MVB12B: variants seen among roughly 807,000 people sequenced by gnomAD.
MVB12B encodes the protein multivesicular body subunit 12B.
MVB12B carries 16 observed loss-of-function variants against 41.6 expected under a neutral mutation model. That is an observed-to-expected ratio of 0.38 (90% CI 0.26 to 0.58). The LOEUF is 0.58. Among genes scored for constraint, MVB12B ranks in the 20% least tolerant of loss-of-function variants. MVB12B has a pLI of 0.62. For missense variants in MVB12B, 274 were observed against 380.2 expected (o/e 0.72, Z 2.32); for synonymous variants, 133 against 139.7 (o/e 0.95, Z 0.34).
intron 7 of MVB12B, among the ~76,000 whole-genome samples, chr9:126,462,201 A>T (rs1374033693): frequency 6.6e-6 from 1 of 152,268 alleles, no homozygotes; most frequent in African/African-American, 2.4e-5. Context: ...GCTTTGAACC[A>T]CAATGACATA....
rs956571149 is a variant in MVB12B, at chr9:126,367,119, A to G, written c.205-13945A>G. ...CTTCTGTCTCTGCTACCAGCTGGATAAGGTCCTCACAAGTCTTGACGCGGG... is the reference window on the plus strand; with the variant it reads ...CTTCTGTCTCTGCTACCAGCTGGATGAGGTCCTCACAAGTCTTGACGCGGG... On this transcript the variant is annotated intron_variant, in intron 2 of 9. Transcript: ENST00000361171. The surrounding 1 kb of genome is among the most constrained non-coding windows in gnomAD (Gnocchi z 4.3). Among the ~76,000 whole-genome samples the G allele has an allele frequency of 2.0e-5, 3 of 151,918 alleles. No homozygotes were observed. The highest frequency in any genetic ancestry group is 6.5e-5 in the Admixed American group (1 of 15,268).
At chr9:126,388,824 A>G (rs1262691749) in intron 4 of MVB12B, among the ~76,000 whole-genome samples, 3 of 152,158 alleles carry the variant, frequency 2.0e-5, no homozygotes, top group African/African-American at 4.8e-5. Flanking sequence ...GGCCATTTGT[A>G]TTATCTCCTC....
rs907435783 is a variant in MVB12B, at chr9:126,391,962, A to C, written c.410-104A>C. 7.3e-7 allele frequency: 1 copy of C among 1,378,924 alleles called. No homozygotes were observed. Among genetic ancestry groups the C allele is most frequent in the African/African-American group, 1.4e-5 (1 of 70,148 alleles). The allele number at this position is 1,378,924 out of a possible 1,614,324, so 85.4% of individuals were successfully genotyped here. ...TGTCCAGCAGCTTAGGTGACCTGCC[A>C]CTTCTGCTGCCAGGAATAGGGCGTG... On this transcript the variant is annotated intron_variant, in intron 4 of 9. Transcript: ENST00000361171. This position sits in a 1 kb window ranked among gnomAD's most constrained non-coding sequence, Gnocchi z 4.4.
chr9:126,476,599 G>A (rs148569413), intron 7 of MVB12B, among the ~76,000 whole-genome samples: 5 of 152,212 alleles, frequency 3.3e-5, no homozygotes, highest in South Asian at 2.1e-4. Flanking sequence ...AGAATCTGCC[G>A]GTCGCGGTGG....
chr9:126,451,208 AGCG>A (rs1832881754), intron 7 of MVB12B, among the ~76,000 whole-genome samples: 1 of 152,236 alleles, frequency 6.6e-6, no homozygotes, highest in Non-Finnish European at 1.5e-5. Flanking sequence ...TCTGGGCCTC[AGCG>A]TCTTTGACTG....
chr9:126,416,807 CAGCCCAGGTCCTGGCAGGTGGGG>C (rs1475501458), intron 6 of MVB12B, among the ~76,000 whole-genome samples: 1 of 152,178 alleles, frequency 6.6e-6, no homozygotes, highest in Non-Finnish European at 1.5e-5. Flanking sequence ...TGAGGACCCC[CAGCCCAGGTCCTGGCAGGTGGGG>C]CTCCATCCCA....
intron 2 of MVB12B, among the ~76,000 whole-genome samples, chr9:126,342,167 G>T (rs1426346876): frequency 6.6e-6 from 1 of 152,200 alleles, no homozygotes; most frequent in African/African-American, 2.4e-5. Flanking sequence ...GATGAATTAG[G>T]GATGAAGCAG....
chr9:126,430,760 A>G (rs962747680), intron 7 of MVB12B, among the ~76,000 whole-genome samples: 5 of 152,100 alleles, frequency 3.3e-5, no homozygotes, highest in Non-Finnish European at 1.5e-5. Flanking sequence ...GCTCTGACAC[A>G]TACTGGCCAT....
At position 126,505,584 on chromosome 9, in the gene MVB12B, G is replaced by T. The variant is rs907672125; in HGVS notation, c.*2321G>T. ...GTGTTAAGGACGAGTTGGTGTCTGT[G>T]GTAGCTTTTAGGCTGCTCCTAACCC... On this transcript the variant is annotated 3_prime_UTR_variant, in exon 10 of 10. Coordinates refer to ENST00000361171, the MANE Select transcript of MVB12B (RefSeq NM_033446.3). 1.9e-4 allele frequency: 29 copies of T among 152,342 alleles called. No homozygotes were observed. Among genetic ancestry groups the T allele is most frequent in the South Asian group, 2.1e-4 (1 of 4,826 alleles). 9.4% of individuals were successfully genotyped at this position (152,342 alleles called of 1,614,324 possible).
chr9:126,456,038 C>T (rs1230153021), intron 7 of MVB12B, among the ~76,000 whole-genome samples: 1 of 150,716 alleles, frequency 6.6e-6, no homozygotes, highest in Non-Finnish European at 1.5e-5. Context: ...TCACAGGTAC[C>T]CGCCACCATG....
chr9:126,445,844 G>A (rs1473968897), intron 7 of MVB12B, among the ~76,000 whole-genome samples: 1 of 152,020 alleles, frequency 6.6e-6, no homozygotes. Context: ...CTCTCTGTAT[G>A]CTTGTTATTT....
At chr9:126,402,274 A>T (rs1412105675) in intron 6 of MVB12B, among the ~76,000 whole-genome samples, 1 of 152,152 alleles carries the variant, frequency 6.6e-6, no homozygotes. Flanking sequence ...CTCCACTTCC[A>T]TAGTGGCAAG....
At chr9:126,378,948 T>C (rs577232058) in intron 2 of MVB12B, among the ~76,000 whole-genome samples, 243 of 152,228 alleles carry the variant, frequency 1.6e-3, no homozygotes, top group South Asian at 8.5e-3. Flanking sequence ...TGGAGACCTT[T>C]CTAGCCTTGG....
chr9:126,481,930 C>T (rs747946115), intron 8 of MVB12B, among the ~76,000 whole-genome samples: 2 of 152,286 alleles, frequency 1.3e-5, no homozygotes, highest in South Asian at 2.1e-4. Flanking sequence ...CGCTCTGACA[C>T]GGAGGCCGCC....
In MVB12B at chr9:126,486,339, G is replaced by C. The variant is rs1833618624; in HGVS notation, c.873+2307G>C. Reference sequence around the variant, plus strand: ...GGACAGCCCATTTGCATGGGGCCCTGCGTGTGGTGCAGCCCAGGGTATGTG... The same window carrying C: ...GGACAGCCCATTTGCATGGGGCCCTCCGTGTGGTGCAGCCCAGGGTATGTG... On this transcript the variant is annotated intron_variant, in intron 9 of 9. Transcript: ENST00000361171. This position sits in a 1 kb window ranked among gnomAD's most constrained non-coding sequence, Gnocchi z 4.7. 6.6e-6 allele frequency among the ~76,000 whole-genome samples: 1 copy of C among 152,176 alleles called. No individual in the cohort carries two copies. The highest frequency in any genetic ancestry group is 2.1e-4 in the South Asian group (1 of 4,828).
intron 7 of MVB12B, among the ~76,000 whole-genome samples, chr9:126,440,381 G>A (rs761299728): frequency 1.3e-5 from 2 of 152,210 alleles, no homozygotes; most frequent in Non-Finnish European, 1.5e-5. Flanking sequence ...TGAACTTCCC[G>A]TGGAAGCATC....
chr9:126,335,215 C>T, intron 1 of MVB12B: 1 of 1,164,082 alleles, frequency 8.6e-7, no homozygotes. Flanking sequence ...CAGCATTTGT[C>T]AGAGTGATTT....
At position 126,333,843 on chromosome 9, in the gene MVB12B, TTCCATCCATCCATCCATCCATCCA is replaced by T. The variant is rs59801697; in HGVS notation, c.82-6643_82-6620del. 6.7e-6 allele frequency among the ~76,000 whole-genome samples: 1 copy of T among 149,666 alleles called. No individual in the cohort carries two copies. Among genetic ancestry groups the T allele is most frequent in the African/African-American group, 2.5e-5 (1 of 40,450 alleles). On this transcript the variant is annotated intron_variant, in intron 1 of 9. Transcript: ENST00000361171. The surrounding 1 kb of genome is among the most constrained non-coding windows in gnomAD (Gnocchi z 4.7). ...CCATGGAAGATTACCTTTAGGTTCA[TTCCATCCATCCATCCATCCATCCA>T]TCCATCCATCCATCCATCCATTCGT... is the stretch of plus-strand genomic sequence containing the variant.
In MVB12B at chr9:126,486,778, G is replaced by A. The variant is rs1303690992; in HGVS notation, c.873+2746G>A. ...TGGAGTAACTGGCCAAAGACAAGGT[G>A]GAGACCCAGTGTGTCGTGCTCCAAG... On this transcript the variant is annotated intron_variant, in intron 9 of 9. Coordinates refer to ENST00000361171, the MANE Select transcript of MVB12B (RefSeq NM_033446.3). The surrounding 1 kb of genome is among the most constrained non-coding windows in gnomAD (Gnocchi z 4.7). Among the ~76,000 whole-genome samples, 1 of 152,184 alleles carries A rather than the reference G, an allele frequency of 6.6e-6. No individual in the cohort carries two copies. The highest frequency in any genetic ancestry group is 2.4e-5 in the African/African-American group (1 of 41,446).
Sources: gnomAD v4.1 joint callset for allele counts (sites outside exome capture counted in the v4.1 genomes callset) on GRCh38, gnomAD v4.1.1 for gene constraint, Gnocchi (gnomAD v3.1) non-coding constraint, MANE v1.5 for transcripts, NCBI Gene and HGNC (gene_info 2026-07-23, HGNC 2026-07-21) for gene names.